The following PRKG1 variants were observed in gnomAD, a reference collection of about 807,000 sequenced individuals.
The protein encoded by PRKG1 is protein kinase cGMP-dependent 1.
A neutral mutation model predicts 88.1 loss-of-function variants in PRKG1; 35 were observed. The observed-to-expected ratio is 0.40, with a 90% CI of 0.30 to 0.53. The LOEUF (loss-of-function observed/expected upper bound fraction) is 0.53, where lower values mean the gene tolerates loss of function less well. Ranked by LOEUF, PRKG1 falls within the 20% of genes least tolerant of loss-of-function variation. PRKG1 has a pLI of 0.59. For synonymous variants in PRKG1, 303 were observed against 292.5 expected (o/e 1.04, Z -0.37); for missense variants, 540 against 839.8 (o/e 0.64, Z 4.41).
intron 2 of PRKG1, among the ~76,000 whole-genome samples, chr10:51,297,036 T>C (rs1366744339): frequency 6.6e-6 from 1 of 152,062 alleles, no homozygotes; most frequent in African/African-American, 2.4e-5. Context: ...GACTGACTGG[T>C]CATAAAAGGA....
chr10:51,085,453 C>G lies in PRKG1; in HGVS notation c.311+10552C>G, dbSNP rs79174865. Among the ~76,000 whole-genome samples, 584 of 152,008 alleles carry G rather than the reference C, an allele frequency of 3.8e-3. 5 individuals are homozygous for G. Among genetic ancestry groups the G allele is most frequent in the African/African-American group, 0.013 (554 of 41,490 alleles). On this transcript the variant is annotated intron_variant, in intron 1 of 17. Coordinates refer to ENST00000373980, the MANE Select transcript of PRKG1 (RefSeq NM_006258.4). The stretch of plus-strand genomic sequence containing the variant: ...TAAGAAAATATGCACTGGAATGAAC[C>G]CTAGAGTGTACACTGCATGCACTGT...
At chr10:51,065,862 G>A (rs1035450219) in intron 1 of PRKG1, among the ~76,000 whole-genome samples, 52 of 152,230 alleles carry the variant, frequency 3.4e-4, no homozygotes, top group African/African-American at 1.2e-3. Context: ...TAGGGTTAGT[G>A]TTAGGGTTAG....
intron 1 of PRKG1, among the ~76,000 whole-genome samples, chr10:51,021,810 A>G (rs1346331363): frequency 6.6e-6 from 1 of 151,850 alleles, no homozygotes; most frequent in Non-Finnish European, 1.5e-5. Context: ...CCTCCTGAGT[A>G]GCTGGTATTA....
chr10:52,080,848 G>C (rs1256681623), intron 7 of PRKG1, among the ~76,000 whole-genome samples: 1 of 152,064 alleles, frequency 6.6e-6, no homozygotes, highest in Non-Finnish European at 1.5e-5. Context: ...ATGCCACCAA[G>C]ATCACTTTTA....
chr10:51,541,677 G>A (rs1245950123), intron 3 of PRKG1, among the ~76,000 whole-genome samples: 1 of 151,670 alleles, frequency 6.6e-6, no homozygotes, highest in Admixed American at 6.6e-5. Context: ...ATCACTCATG[G>A]TTTCTATAGT....
Position 51,369,812 on chromosome 10 carries a change from G to A in PRKG1, c.479-97911G>A, listed in dbSNP as rs543901482. Among the ~76,000 whole-genome samples, 248 of 152,182 alleles carry A rather than the reference G, an allele frequency of 1.6e-3. 2 individuals are homozygous for A. The highest frequency in any genetic ancestry group is 5.7e-3 in the African/African-American group (237 of 41,544). On this transcript the variant is annotated intron_variant, in intron 2 of 17. Coordinates refer to ENST00000373980, the MANE Select transcript of PRKG1 (RefSeq NM_006258.4). ...ACCATGTGTCCCCTATGCACCTTAT[G>A]CTCTACGACATCATCTCTGAGAGAA...
chr10:51,279,611 G>A (rs180921774), intron 2 of PRKG1, among the ~76,000 whole-genome samples: 54 of 152,280 alleles, frequency 3.5e-4, no homozygotes, highest in Middle Eastern at 3.4e-3. Context: ...TTATTGAATT[G>A]ATTCCTTTAC....
At chr10:51,535,526 T>C (rs1176603730) in intron 3 of PRKG1, among the ~76,000 whole-genome samples, 1 of 152,212 alleles carries the variant, frequency 6.6e-6, no homozygotes, top group African/African-American at 2.4e-5. Flanking sequence ...TTGAAGCAGC[T>C]GAATAAATCA....
chr10:51,571,881 A>G (rs556535326), intron 3 of PRKG1, among the ~76,000 whole-genome samples: 2 of 151,932 alleles, frequency 1.3e-5, no homozygotes, highest in African/African-American at 2.4e-5. Flanking sequence ...TCAGCTTGGC[A>G]TATATTGCAA....
chr10:51,008,232 G>A (rs193291892), intron 1 of PRKG1, among the ~76,000 whole-genome samples: 25 of 152,282 alleles, frequency 1.6e-4, no homozygotes, highest in Admixed American at 1.4e-3. Context: ...GGCTTAATAG[G>A]TAGGCTTGGG....
At chr10:51,379,890 T>A (rs1837029526) in intron 2 of PRKG1, among the ~76,000 whole-genome samples, 1 of 152,208 alleles carries the variant, frequency 6.6e-6, no homozygotes, top group South Asian at 2.1e-4. Context: ...AATCTATAGC[T>A]ATGAGGAAAA....
chr10:52,205,496 G>T (rs1194489), intron 9 of PRKG1, among the ~76,000 whole-genome samples: 1 of 152,142 alleles, frequency 6.6e-6, no homozygotes, highest in African/African-American at 2.4e-5. Context: ...AGTTCCCCCA[G>T]TAATAATGTC....
Position 52,287,192 on chromosome 10 carries a change from T to A in PRKG1, c.1710-1534T>A, listed in dbSNP as rs1006960777. Reference sequence around the variant, plus strand: ...ATTTTTTAAAGTAAAAAATGAAAACTGGCATGTTAAGAGATTAAAAAGAAT... The same window carrying A: ...ATTTTTTAAAGTAAAAAATGAAAACAGGCATGTTAAGAGATTAAAAAGAAT... On this transcript the variant is annotated intron_variant, in intron 14 of 17. Coordinates refer to ENST00000373980, the MANE Select transcript of PRKG1 (RefSeq NM_006258.4). Among the ~76,000 whole-genome samples the A allele has an allele frequency of 3.9e-5, 6 of 152,048 alleles. No homozygotes were observed. The South Asian group carries it at 1.0e-3, about 26-fold the overall frequency.
At chr10:51,257,586 A>G (rs1839597958) in intron 2 of PRKG1, among the ~76,000 whole-genome samples, 1 of 152,186 alleles carries the variant, frequency 6.6e-6, no homozygotes, top group Admixed American at 6.5e-5. Context: ...AGGGATTTCT[A>G]ACTCTCAACT....
intron 3 of PRKG1, among the ~76,000 whole-genome samples, chr10:51,544,225 GC>G (rs1842389661): frequency 1.6e-5 from 1 of 64,380 alleles, no homozygotes; most frequent in African/African-American, 5.7e-5. Flanking sequence ...CCCAAAACAG[GC>G]CCCAGTGTGT....
At chr10:51,895,763 T>A (rs1189761399) in intron 4 of PRKG1, among the ~76,000 whole-genome samples, 1 of 152,168 alleles carries the variant, frequency 6.6e-6, no homozygotes, top group African/African-American at 2.4e-5. Flanking sequence ...TTCTTATGTA[T>A]TTTTAAAGCC....
intron 9 of PRKG1, among the ~76,000 whole-genome samples, chr10:52,196,282 C>T (rs1839505786): frequency 6.6e-6 from 1 of 152,118 alleles, no homozygotes; most frequent in Non-Finnish European, 1.5e-5. Context: ...TCCCAAAGTC[C>T]TGGGATTACA....
chr10:51,552,370 C>A (rs988609968), intron 3 of PRKG1, among the ~76,000 whole-genome samples: 1 of 151,418 alleles, frequency 6.6e-6, no homozygotes, highest in African/African-American at 2.4e-5. Flanking sequence ...GGGAGATATA[C>A]CTTGGATTTC....
chr10:51,861,724 T>C (rs1272272245), intron 4 of PRKG1, among the ~76,000 whole-genome samples: 1 of 152,242 alleles, frequency 6.6e-6, no homozygotes, highest in South Asian at 2.1e-4. Flanking sequence ...ATAGTGATTT[T>C]GAATAACAAA....
Sources: allele counts gnomAD v4.1 joint callset (sites outside exome capture counted in the v4.1 genomes callset), GRCh38; gene constraint gnomAD v4.1.1; transcripts MANE v1.5; gene names NCBI Gene and HGNC (gene_info 2026-07-23, HGNC 2026-07-21).